CMIP: variants seen among roughly 807,000 people sequenced by gnomAD.
CMIP encodes the protein c-Maf inducing protein.
CMIP carries 13 observed loss-of-function variants against 97.3 expected under a neutral mutation model. That is an observed-to-expected ratio of 0.13 (90% CI 0.09 to 0.21). The LOEUF (loss-of-function observed/expected upper bound fraction) is 0.21, where lower values mean the gene tolerates loss of function less well. CMIP is among the 10% of genes least tolerant of loss of function. CMIP has a pLI of 1.00. For missense variants in CMIP, 847 were observed against 1,024.9 expected (o/e 0.83, Z 2.37); for synonymous variants, 538 against 436.3 (o/e 1.23, Z -2.91).
rs375331530 is a variant in CMIP, at chr16:81,652,246, G to T, written c.521G>T (p.Arg174Leu). ...KYKKVLSNPS[R>L]WEVVLKEIRT... Reference sequence around the variant, plus strand: ...AAGAAAGTGCTGAGTAACCCAAGCCGCTGGGAAGTTGTCTTGAAAGAGATC... The same window carrying T: ...AAGAAAGTGCTGAGTAACCCAAGCCTCTGGGAAGTTGTCTTGAAAGAGATC... Residue 174 changes from arginine (R) to leucine (L), a missense_variant, in exon 4 of 21, where the codon CGC (arginine) becomes CTC (leucine). Physicochemically the swap from Arg to Leu is moderately radical, Grantham distance 102 (BLOSUM62 -2). Transcript: ENST00000537098. This position sits in a 1 kb window ranked among gnomAD's most constrained non-coding sequence, Gnocchi z 5.2. 6.2e-7 allele frequency: 1 copy of T among 1,613,536 alleles called. No individual in the cohort carries two copies. The highest frequency in any genetic ancestry group is 1.3e-5 in the African/African-American group (1 of 75,000).
intron 1 of CMIP, among the ~76,000 whole-genome samples, chr16:81,545,125 C>T (rs963345579): frequency 2.6e-5 from 4 of 152,198 alleles, no homozygotes; most frequent in African/African-American, 9.7e-5. Context: ...TTCCCCTTTC[C>T]GCTTTCCCTG....
chr16:81,455,674 C>T (rs188660605), intron 1 of CMIP, among the ~76,000 whole-genome samples: 72 of 152,312 alleles, frequency 4.7e-4, no homozygotes, highest in Non-Finnish European at 9.1e-4. Context: ...CCTAGGATTC[C>T]GAGCCCACCC....
intron 1 of CMIP, among the ~76,000 whole-genome samples, chr16:81,572,516 C>A (rs1020663291): frequency 1.7e-4 from 26 of 152,270 alleles, no homozygotes; most frequent in African/African-American, 6.0e-4. Flanking sequence ...GGAGCACCTA[C>A]TGTGTGCTTG....
chr16:81,669,957 C>T (rs768913305), intron 7 of CMIP, among the ~76,000 whole-genome samples, 185 bp from the exon 8 acceptor site: 2 of 152,218 alleles, frequency 1.3e-5, no homozygotes, highest in Non-Finnish European at 2.9e-5. Flanking sequence ...GCGCGGGTGT[C>T]GCAGTGCTAT....
intron 1 of CMIP, among the ~76,000 whole-genome samples, chr16:81,558,613 A>C (rs965310882): frequency 1.3e-5 from 2 of 152,204 alleles, no homozygotes; most frequent in African/African-American, 4.8e-5. Flanking sequence ...GGAGTGAGCA[A>C]GGGGCAGAAG....
chr16:81,498,703 C>A (rs1407170996), intron 1 of CMIP, among the ~76,000 whole-genome samples: 3 of 152,210 alleles, frequency 2.0e-5, no homozygotes, highest in African/African-American at 7.2e-5. Flanking sequence ...CACACATGTC[C>A]TGGGCCCTGG....
At chr16:81,597,790 A>T (rs1216964216) in intron 1 of CMIP, among the ~76,000 whole-genome samples, 3 of 152,092 alleles carry the variant, frequency 2.0e-5, no homozygotes, top group South Asian at 4.1e-4. Context: ...CACATATGAA[A>T]AGTGCCACAC....
chr16:81,594,780 A>ATAT (rs2091524695), intron 1 of CMIP, among the ~76,000 whole-genome samples: 1 of 115,078 alleles, frequency 8.7e-6, no homozygotes. Context: ...CGCCCAGCTA[A>ATAT]TTTTTTTTTT....
chr16:81,607,470 G>C, intron 1 of CMIP, 97 bp from the exon 2 acceptor site: 1 of 1,492,454 alleles, frequency 6.7e-7, no homozygotes, highest in Non-Finnish European at 9.1e-7. Flanking sequence ...TTTGCCTGTC[G>C]CCAGAGGGGC....
At chr16:81,668,423 CA>C (rs1224982396) in intron 7 of CMIP, among the ~76,000 whole-genome samples, 1 of 152,176 alleles carries the variant, frequency 6.6e-6, no homozygotes, top group Non-Finnish European at 1.5e-5. Context: ...TGGCAAGCCC[CA>C]AGCCCCCCAC....
intron 1 of CMIP, among the ~76,000 whole-genome samples, chr16:81,557,081 C>T (rs2090778433): frequency 6.6e-6 from 1 of 152,206 alleles, no homozygotes; most frequent in Non-Finnish European, 1.5e-5. Context: ...GAAAATGTTC[C>T]ATGGTCTGAA....
chr16:81,604,362 C>CTCCA (rs2091706550), intron 1 of CMIP, among the ~76,000 whole-genome samples: 1 of 144,598 alleles, frequency 6.9e-6, no homozygotes. Flanking sequence ...CACCATTGTA[C>CTCCA]TCCAGTCGGG....
At chr16:81,690,849 C>A (rs945355181) in intron 10 of CMIP, among the ~76,000 whole-genome samples, 23 of 152,090 alleles carry the variant, frequency 1.5e-4, no homozygotes, top group African/African-American at 5.3e-4. Flanking sequence ...TCACTTGAAC[C>A]CAGGAGGTGG....
chr16:81,513,248 C>T (rs925082955), intron 1 of CMIP, among the ~76,000 whole-genome samples: 8 of 152,214 alleles, frequency 5.3e-5, no homozygotes, highest in Non-Finnish European at 8.8e-5. Context: ...TGCTGCTCAC[C>T]AGACCCAGAG....
At chr16:81,507,410 A>T (rs1295622530) in intron 1 of CMIP, among the ~76,000 whole-genome samples, 1 of 152,170 alleles carries the variant, frequency 6.6e-6, no homozygotes, top group African/African-American at 2.4e-5. Flanking sequence ...CCATAGGCTA[A>T]ATTGGGTGTG....
chr16:81,495,535 TC>T, intron 1 of CMIP: 1 of 1,606,176 alleles, frequency 6.2e-7, no homozygotes, highest in Non-Finnish European at 8.5e-7. Context: ...CAGCTTGATG[TC>T]TGTGCCTAAA....
At position 81,670,211 on chromosome 16, in the gene CMIP, G is replaced by A. The variant is rs377006836; in HGVS notation, c.895G>A (p.Ala299Thr). ...CATCCTTGCCTTGAACGAGCTCAACGCGGGGATGGAAGTGGTGAAGAAGTT... is the reference window on the plus strand; with the variant it reads ...CATCCTTGCCTTGAACGAGCTCAACACGGGGATGGAAGTGGTGAAGAAGTT... ...EYILALNELN[A>T]GMEVVKKFIQ... Residue 299 changes from alanine to threonine, a missense_variant, in exon 8 of 21, where the codon GCG (alanine) becomes ACG (threonine). This residue lies in a region of CMIP where 285 missense variants were observed against 392.2 expected (regional missense o/e 0.73). Transcript: ENST00000537098. 1.9e-5 allele frequency: 30 copies of A among 1,611,482 alleles called. No individual in the cohort carries two copies. The highest frequency in any genetic ancestry group is 1.2e-4 in the African/African-American group (9 of 74,898).
At chr16:81,701,942 C>T (rs543401297) in intron 16 of CMIP, 142 bp downstream of exon 16, 14 of 950,158 alleles carry the variant, frequency 1.5e-5, no homozygotes, top group Non-Finnish European at 2.0e-5. Flanking sequence ...ATTGGTATTA[C>T]CACCTGCCAC....
At chr16:81,594,894 T>G (rs552431436) in intron 1 of CMIP, among the ~76,000 whole-genome samples, 85 of 150,876 alleles carry the variant, frequency 5.6e-4, no homozygotes, top group African/African-American at 1.8e-3. Flanking sequence ...CCTCCCAAAG[T>G]GCTGGGGATT....
Sources: gnomAD v4.1 joint callset for allele counts (sites outside exome capture counted in the v4.1 genomes callset) on GRCh38, gnomAD v4.1.1 for gene constraint, gnomAD v4.1.1 regional missense constraint, Gnocchi (gnomAD v3.1) non-coding constraint, MANE v1.5 for transcripts, NCBI Gene and HGNC (gene_info 2026-07-23, HGNC 2026-07-21) for gene names.